Variants in GRAP2 observed in about 807,000 individuals in gnomAD.
GRAP2 encodes the protein GRB2-related adapter protein 2.
A neutral mutation model predicts 43.5 loss-of-function variants in GRAP2; 31 were observed. That is an observed-to-expected ratio of 0.71 (90% CI 0.54 to 0.96). The LOEUF is 0.96. Ranked by LOEUF, GRAP2 falls within the 40% of genes least tolerant of loss-of-function variation. The pLI, the probability that GRAP2 is intolerant of heterozygous loss-of-function variation, is 0.00. For synonymous variants in GRAP2, 156 were observed against 164.8 expected (o/e 0.95, Z 0.41); for missense variants, 371 against 424.4 (o/e 0.87, Z 1.11).
intron 1 of GRAP2, among the ~76,000 whole-genome samples, chr22:39,914,815 T>C (rs1046047797): frequency 2.0e-5 from 3 of 152,144 alleles, no homozygotes; most frequent in African/African-American, 7.2e-5. Context: ...CGACAGAACG[T>C]ACGTACGTCA....
chr22:39,905,823 G>C (rs537210871), intron 1 of GRAP2, among the ~76,000 whole-genome samples: 136 of 152,284 alleles, frequency 8.9e-4, no homozygotes, highest in African/African-American at 3.1e-3. Flanking sequence ...TCTCTCTGAT[G>C]ATGGGCACAT....
chr22:39,964,391 G>A, intron 4 of GRAP2: 1 of 769,266 alleles, frequency 1.3e-6, no homozygotes, highest in Non-Finnish European at 2.3e-6. Context: ...AGCCACGAAG[G>A]TGGCAAGAAG....
intron 1 of GRAP2, among the ~76,000 whole-genome samples, chr22:39,928,572 A>C (rs988091213): frequency 2.0e-5 from 3 of 152,194 alleles, no homozygotes; most frequent in Admixed American, 2.0e-4. Context: ...GTTGGGTGCT[A>C]TGGGTTCCTC....
intron 1 of GRAP2, among the ~76,000 whole-genome samples, chr22:39,946,246 AG>A (rs750318538): frequency 1.8e-4 from 27 of 152,230 alleles, no homozygotes; most frequent in Non-Finnish European, 3.2e-4. Flanking sequence ...GGAGACTCCA[AG>A]GGTTTAATTA....
chr22:39,905,197 A>G (rs1046078626), intron 1 of GRAP2, among the ~76,000 whole-genome samples: 11 of 152,198 alleles, frequency 7.2e-5, no homozygotes, highest in African/African-American at 1.4e-4. Context: ...GCAATATCCT[A>G]TTTCCCAACA....
chr22:39,937,628 T>C (rs2066819504), intron 1 of GRAP2, among the ~76,000 whole-genome samples: 1 of 152,164 alleles, frequency 6.6e-6, no homozygotes, highest in South Asian at 2.1e-4. Flanking sequence ...GAAAGAGACA[T>C]TGAGCATTGG....
At chr22:39,934,389 T>A (rs527700619) in intron 1 of GRAP2, among the ~76,000 whole-genome samples, 22 of 152,282 alleles carry the variant, frequency 1.4e-4, no homozygotes, top group African/African-American at 5.3e-4. Flanking sequence ...GAGCCAGGAT[T>A]TGAACCCAGC....
chr22:39,946,279 A>G (rs1465452153), intron 1 of GRAP2, among the ~76,000 whole-genome samples: 6 of 152,224 alleles, frequency 3.9e-5, no homozygotes, highest in African/African-American at 9.6e-5. Flanking sequence ...GTCTACAGCT[A>G]TCTACCAACA....
intron 1 of GRAP2, among the ~76,000 whole-genome samples, chr22:39,912,600 C>A (rs2066574963): frequency 6.6e-6 from 1 of 152,042 alleles, no homozygotes; most frequent in Non-Finnish European, 1.5e-5. Flanking sequence ...CAGGATGGGC[C>A]CCCACAACAA....
the GRAP2 span, among the ~76,000 whole-genome samples, chr22:39,894,570 G>A: frequency 2.0e-5 from 3 of 152,284 alleles, no homozygotes; most frequent in South Asian, 2.1e-4. Flanking sequence ...CCACCAGCAC[G>A]TGATTGCCAC....
intron 1 of GRAP2, among the ~76,000 whole-genome samples, chr22:39,931,141 G>A (rs943503581): frequency 2.0e-5 from 3 of 152,204 alleles, no homozygotes; most frequent in African/African-American, 7.2e-5. Context: ...GACACAGAGT[G>A]GGGCACAGGA....
At chr22:39,918,678 C>G (rs961941583) in intron 1 of GRAP2, among the ~76,000 whole-genome samples, 1 of 152,124 alleles carries the variant, frequency 6.6e-6, no homozygotes, top group African/African-American at 2.4e-5. Flanking sequence ...TTATCTAAAT[C>G]ATGAAAACTG....
At chr22:39,941,010 G>T (rs1052503356) in intron 1 of GRAP2, among the ~76,000 whole-genome samples, 4 of 152,162 alleles carry the variant, frequency 2.6e-5, no homozygotes, top group African/African-American at 9.7e-5. Flanking sequence ...CTTAGTGTAG[G>T]TATGTTGCAC....
intron 6 of GRAP2, 105 bp from the exon 7 acceptor site, chr22:39,969,306 C>A: frequency 7.8e-7 from 1 of 1,282,612 alleles, no homozygotes; most frequent in Non-Finnish European, 1.1e-6. Flanking sequence ...GTAAGTATTC[C>A]TGGAATATAC....
chr22:39,918,671 T>C (rs1456811188), intron 1 of GRAP2, among the ~76,000 whole-genome samples: 4 of 152,190 alleles, frequency 2.6e-5, no homozygotes, highest in Admixed American at 2.6e-4. Context: ...AAAGGATTTA[T>C]CTAAATCATG....
chr22:39,896,056 G>A, the GRAP2 span, among the ~76,000 whole-genome samples: 1 of 152,318 alleles, frequency 6.6e-6, no homozygotes, highest in Non-Finnish European at 1.5e-5. Context: ...CAGCAACTCA[G>A]TCACAAGTGG....
chr22:39,963,402 C>T (rs953292876), intron 4 of GRAP2, among the ~76,000 whole-genome samples: 1 of 152,200 alleles, frequency 6.6e-6, no homozygotes, highest in Admixed American at 6.5e-5. Flanking sequence ...ATGTTTCACA[C>T]TCTGAGTTCT....
In GRAP2 at chr22:39,947,199, G is replaced by A. The variant is rs747581217; in HGVS notation, c.78+15G>A. 4.6e-5 allele frequency: 62 copies of A among 1,359,678 alleles called. No individual in the cohort carries two copies. Among genetic ancestry groups the A allele is most frequent in the Middle Eastern group, 3.6e-4 (2 of 5,606 alleles). The allele number at this position is 1,359,678 out of a possible 1,614,324, so 84.2% of individuals were successfully genotyped here. ...ATGTTTTGAAGGTAGGTGACCTGGG[G>A]CCCCAGGGGAGCAGTAGGGAGTTTC... is the stretch of plus-strand genomic sequence containing the variant. On this transcript the variant is annotated intron_variant, in intron 2 of 7. Coordinates refer to ENST00000344138, the MANE Select transcript of GRAP2 (RefSeq NM_004810.4).
At chr22:39,965,873 T>C in intron 4 of GRAP2, 117 bp from the exon 5 acceptor site, 1 of 868,592 alleles carries the variant, frequency 1.2e-6, no homozygotes, top group South Asian at 1.4e-5. Flanking sequence ...GATGAGTGAG[T>C]CATCCATATC....
Sources: allele counts gnomAD v4.1 joint callset (sites outside exome capture counted in the v4.1 genomes callset), GRCh38; gene constraint gnomAD v4.1.1; transcripts MANE v1.5; gene names NCBI Gene and HGNC (gene_info 2026-07-23, HGNC 2026-07-21).